Variants in ADTRP observed in about 807,000 individuals in gnomAD.
The protein encoded by ADTRP is androgen-dependent TFPI-regulating protein.
ADTRP carries 20 observed loss-of-function variants against 27.0 expected under a neutral mutation model. The observed-to-expected ratio is 0.74, with a 90% CI of 0.52 to 1.08. The LOEUF (loss-of-function observed/expected upper bound fraction) is 1.08, where lower values mean the gene tolerates loss of function less well. ADTRP is among the 50% of genes least tolerant of loss of function. The pLI is 0.00. For missense variants in ADTRP, 251 were observed against 275.0 expected, an observed-to-expected ratio of 0.91 and a Z score of 0.62; for synonymous variants, 101 against 105.2, an observed-to-expected ratio of 0.96 and a Z score of 0.25.
At chr6:11,740,962 C>G (rs1762696845) in intron 3 of ADTRP, among the ~76,000 whole-genome samples, 1 of 152,176 alleles carries the variant, frequency 6.6e-6, no homozygotes, top group African/African-American at 2.4e-5. Context: ...TCTTTTCAGT[C>G]TCAAAGACTG....
intron 5 of ADTRP, among the ~76,000 whole-genome samples, chr6:11,715,666 T>C (rs1761791519): frequency 1.0e-5 from 1 of 98,884 alleles, no homozygotes; most frequent in African/African-American, 3.2e-5. Context: ...TTTTTTTTTT[T>C]TTTTGAGACA....
At chr6:11,746,245 G>A (rs1351772745) in intron 3 of ADTRP, among the ~76,000 whole-genome samples, 2 of 152,212 alleles carry the variant, frequency 1.3e-5, no homozygotes, top group African/African-American at 2.4e-5. Flanking sequence ...AGGTTTGGGA[G>A]CCATCAGAGT....
chr6:11,748,027 A>G (rs1412251478), intron 3 of ADTRP, among the ~76,000 whole-genome samples: 1 of 152,244 alleles, frequency 6.6e-6, no homozygotes, highest in Non-Finnish European at 1.5e-5. Context: ...ACTTTCTGCC[A>G]GAGAGTATAT....
chr6:11,772,030 G>A (rs1174589021), intron 1 of ADTRP, among the ~76,000 whole-genome samples: 1 of 152,118 alleles, frequency 6.6e-6, no homozygotes, highest in African/African-American at 2.4e-5. Context: ...AAATATGATC[G>A]CCACAACTGG....
At chr6:11,747,840 C>G (rs531381248) in intron 3 of ADTRP, among the ~76,000 whole-genome samples, 2 of 152,270 alleles carry the variant, frequency 1.3e-5, no homozygotes, top group Non-Finnish European at 2.9e-5. Context: ...TCCTCTTCCC[C>G]TGATGGCCTC....
intron 3 of ADTRP, among the ~76,000 whole-genome samples, chr6:11,764,125 C>T (rs1374058594): frequency 6.6e-6 from 1 of 152,204 alleles, no homozygotes; most frequent in Admixed American, 6.5e-5. Flanking sequence ...CCACAGCACC[C>T]CTCAGCTTGT....
At position 11,747,158 on chromosome 6, in the gene ADTRP, C is replaced by T. The variant is rs551683155; in HGVS notation, c.391-11475G>A. Among the ~76,000 whole-genome samples, 5 of 152,312 alleles carry T rather than the reference C, an allele frequency of 3.3e-5. No individual in the cohort carries two copies. In the South Asian group the frequency reaches 8.3e-4, roughly 25 times the overall value. ...ATGTGGCTCACTTCCTTATCATGGT[C>T]TTCTCAGGAAAAACTGAAACAAAAT... is the stretch of plus-strand genomic sequence containing the variant. On this transcript the variant is annotated intron_variant, in intron 3 of 5. Transcript: ENST00000414691.
chr6:11,774,109 C>A (rs1471114297), intron 1 of ADTRP, among the ~76,000 whole-genome samples: 1 of 151,612 alleles, frequency 6.6e-6, no homozygotes, highest in East Asian at 2.0e-4. Context: ...GAGTTTGAGA[C>A]CAACCTGGCC....
Position 11,719,179 on chromosome 6 carries a change from G to A in ADTRP, c.658+4170C>T, listed in dbSNP as rs1404326551. Among the ~76,000 whole-genome samples, 4 of 152,268 alleles carry A rather than the reference G, an allele frequency of 2.6e-5. No individual in the cohort carries two copies. The East Asian group carries it at 7.7e-4, about 29-fold the overall frequency. ...ATTATCCACATTGGGAGGAGTCCAG[G>A]GTCCTGAGATGTAATAGAGCCTTGT... On this transcript the variant is annotated intron_variant, in intron 5 of 5. Coordinates refer to ENST00000414691, the MANE Select transcript of ADTRP (RefSeq NM_032744.4).
chr6:11,731,841 AC>A (rs948604360), intron 4 of ADTRP, among the ~76,000 whole-genome samples: 1 of 151,608 alleles, frequency 6.6e-6, no homozygotes, highest in Admixed American at 6.6e-5. Context: ...TTAAGGATAA[AC>A]CCCCTGCAGG....
Position 11,756,638 on chromosome 6 carries a change from C to A in ADTRP, c.390+9636G>T, listed in dbSNP as rs139528413. 1.6e-4 allele frequency among the ~76,000 whole-genome samples: 24 copies of A among 152,260 alleles called. No homozygotes were observed. In the East Asian group the frequency reaches 4.4e-3, roughly 28 times the overall value. ...AGGAAAACTATGCAGATAGTAGATG[C>A]TGGCTATGTGTTTATACAAAGATTA... On this transcript the variant is annotated intron_variant, in intron 3 of 5. Coordinates refer to ENST00000414691, the MANE Select transcript of ADTRP (RefSeq NM_032744.4).
rs567474095 is a variant in ADTRP at position 11,768,491 on chromosome 6, A to G, written c.154-108T>C. On this transcript the variant is annotated intron_variant, in intron 1 of 5. Coordinates refer to ENST00000414691, the MANE Select transcript of ADTRP (RefSeq NM_032744.4). ...AGAGTAATGTGGCTTTGAGAGGGAG[A>G]GGGCTGTTGGGTTGTTTTGGTTGAG... The G allele has an allele frequency of 2.8e-6, 4 of 1,422,174 alleles. No individual in the cohort carries two copies. In the African/African-American group the frequency reaches 4.3e-5, roughly 15 times the overall value. 88.1% of individuals were successfully genotyped at this position (1,422,174 alleles called of 1,614,324 possible).
chr6:11,733,776 C>T (rs569583475), intron 4 of ADTRP, among the ~76,000 whole-genome samples: 1 of 152,274 alleles, frequency 6.6e-6, no homozygotes, highest in Admixed American at 6.5e-5. Flanking sequence ...TTTCTTTCTC[C>T]AACATCCTAA....
chr6:11,746,886 C>T (rs141856015), intron 3 of ADTRP, among the ~76,000 whole-genome samples: 4 of 152,244 alleles, frequency 2.6e-5, no homozygotes, highest in East Asian at 3.9e-4. Context: ...TCCTGCTCAG[C>T]GGATTCTTGG....
intron 3 of ADTRP, among the ~76,000 whole-genome samples, chr6:11,762,700 C>T (rs1256695347): frequency 3.9e-5 from 6 of 152,170 alleles, no homozygotes; most frequent in African/African-American, 1.4e-4. Context: ...TCATGCAGTC[C>T]TTGACAGCTG....
chr6:11,727,676 C>T (rs552995310), intron 4 of ADTRP, among the ~76,000 whole-genome samples: 1 of 152,078 alleles, frequency 6.6e-6, no homozygotes, highest in South Asian at 2.1e-4. Flanking sequence ...AGAAAGTTCC[C>T]GAGGTAAGCT....
At chr6:11,770,220 G>T in intron 1 of ADTRP, 1 of 777,426 alleles carries the variant, frequency 1.3e-6, no homozygotes. Flanking sequence ...CCGCTGCCTG[G>T]TTCCCACCCC....
At chr6:11,770,065 C>T (rs1218455101) in intron 1 of ADTRP, 2 of 1,551,570 alleles carry the variant, frequency 1.3e-6, no homozygotes, top group Non-Finnish European at 1.7e-6. Flanking sequence ...GATGTCAAAC[C>T]CAGCAGTCCT....
chr6:11,744,065 C>G (rs1481868429), intron 3 of ADTRP, among the ~76,000 whole-genome samples: 1 of 152,140 alleles, frequency 6.6e-6, no homozygotes, highest in Non-Finnish European at 1.5e-5. Context: ...GGGTGGATCC[C>G]CTATGAACAG....
Sources: allele counts gnomAD v4.1 joint callset (sites outside exome capture counted in the v4.1 genomes callset), GRCh38; gene constraint gnomAD v4.1.1; transcripts MANE v1.5; gene names NCBI Gene and HGNC (gene_info 2026-07-23, HGNC 2026-07-21).